Variants in PRLR observed in about 807,000 individuals in gnomAD.
PRLR encodes prolactin receptor.
PRLR carries 13 observed loss-of-function variants against 40.2 expected under a neutral mutation model. The ratio of observed to expected loss-of-function variants is 0.32; its 90% CI spans 0.21 to 0.51. PRLR has a LOEUF of 0.51. PRLR is among the 20% of genes least tolerant of loss of function. The pLI is 0.97. For missense variants in PRLR, 656 were observed against 747.3 expected, an observed-to-expected ratio of 0.88 and a Z score of 1.42; for synonymous variants, 269 against 278.7, an observed-to-expected ratio of 0.97 and a Z score of 0.35.
intron 1 of PRLR, among the ~76,000 whole-genome samples, chr5:35,119,981 T>C (rs1053460068): frequency 3.9e-5 from 6 of 152,138 alleles, no homozygotes; most frequent in African/African-American, 1.4e-4. Context: ...CTACTATTCA[T>C]TCAGCATTTA....
At position 35,061,411 on chromosome 5, in the gene PRLR, T is replaced by C. The variant is rs1054363188; in HGVS notation, c.*3678A>G. On this transcript the variant is annotated 3_prime_UTR_variant, in exon 10 of 10. Transcript: ENST00000618457. ...GGACCTCTGGTTGCTCAATAACTCA[T>C]AGGCTTTTCACATTCAGCTGGGTCA... is the stretch of plus-strand genomic sequence containing the variant. 2 of 152,172 alleles carry C rather than the reference T, an allele frequency of 1.3e-5. No homozygotes were observed. Among genetic ancestry groups the C allele is most frequent in the African/African-American group, 2.4e-5 (1 of 41,440 alleles). The allele number at this position is 152,172 out of a possible 1,614,324, so 9.4% of individuals were successfully genotyped here.
Position 35,065,303 on chromosome 5 carries a change from AC to A in PRLR, c.1654del (p.Val552SerfsTer81), listed in dbSNP as rs759723142. ...NNKEYAKVSG[V>X]MDNNILVLVP... Reference sequence around the variant, plus strand: ...CAACACCAGGATGTTGTTATCCATGACCCCGGACACCTTGGCATACTCCTTA... The same window carrying A: ...CAACACCAGGATGTTGTTATCCATGACCCGGACACCTTGGCATACTCCTTA... On this transcript the variant is annotated frameshift_variant, in exon 10 of 10. Coordinates refer to ENST00000618457, the MANE Select transcript of PRLR (RefSeq NM_000949.7). LOFTEE classifies it low-confidence loss of function (END_TRUNC). 1.4e-5 allele frequency: 22 copies of A among 1,613,762 alleles called. No individual in the cohort carries two copies. Among genetic ancestry groups the A allele is most frequent in the Non-Finnish European group, 1.7e-5 (20 of 1,179,974 alleles).
chr5:35,064,050 C>G lies in PRLR; in HGVS notation c.*1039G>C, dbSNP rs1316779364. The G allele has an allele frequency of 6.6e-6, 1 of 152,174 alleles. No individual in the cohort carries two copies. The highest frequency in any genetic ancestry group is 2.4e-5 in the African/African-American group (1 of 41,430). The allele number at this position is 152,174 out of a possible 1,614,324, so 9.4% of individuals were successfully genotyped here. On this transcript the variant is annotated 3_prime_UTR_variant, in exon 10 of 10. Coordinates refer to ENST00000618457, the MANE Select transcript of PRLR (RefSeq NM_000949.7). The stretch of plus-strand genomic sequence containing the variant: ...ACTCCACAAACGGGAACTTTATATA[C>G]TACTATGTACTGTAAATACACATTA...
intron 1 of PRLR, among the ~76,000 whole-genome samples, chr5:35,197,626 C>G (rs1008618777): frequency 3.3e-5 from 5 of 152,206 alleles, no homozygotes; most frequent in African/African-American, 1.2e-4. Flanking sequence ...ATTGATGGAC[C>G]TACAGGCCTA....
At chr5:35,134,307 G>T (rs1218260697) in intron 1 of PRLR, among the ~76,000 whole-genome samples, 1 of 152,080 alleles carries the variant, frequency 6.6e-6, no homozygotes, top group Non-Finnish European at 1.5e-5. Context: ...TTGCTTGAGT[G>T]GCTTGATGGC....
chr5:35,145,622 T>C (rs1359279339), intron 1 of PRLR, among the ~76,000 whole-genome samples: 1 of 152,214 alleles, frequency 6.6e-6, no homozygotes, highest in Non-Finnish European at 1.5e-5. Flanking sequence ...TTATTGCAAC[T>C]TAAAAAATGT....
chr5:35,101,191 C>T (rs77390487), intron 2 of PRLR, among the ~76,000 whole-genome samples: 1,877 of 152,304 alleles, frequency 0.012, 44 homozygotes, highest in African/African-American at 0.043. Context: ...ACACTGTCAC[C>T]TGTAAACATG....
intron 5 of PRLR, among the ~76,000 whole-genome samples, chr5:35,079,883 A>T (rs6861155): frequency 0.096 from 14,579 of 152,092 alleles, 1,087 homozygotes; most frequent in African/African-American, 0.2. Flanking sequence ...AAATAATACC[A>T]CACATCTATA....
intron 1 of PRLR, among the ~76,000 whole-genome samples, chr5:35,162,328 A>G: frequency 6.6e-6 from 1 of 152,224 alleles, no homozygotes; most frequent in East Asian, 1.9e-4. Context: ...GGCTCCCAAA[A>G]CAAACCACAA....
chr5:35,136,287 T>C (rs1432277439), intron 1 of PRLR, among the ~76,000 whole-genome samples: 1 of 152,114 alleles, frequency 6.6e-6, no homozygotes, highest in Non-Finnish European at 1.5e-5. Flanking sequence ...AAAGCCTTAG[T>C]TGGTGAAGGA....
In PRLR at chr5:35,060,643, T is replaced by C; in HGVS notation, c.*4446A>G. On this transcript the variant is annotated 3_prime_UTR_variant, in exon 10 of 10. Coordinates refer to ENST00000618457, the MANE Select transcript of PRLR (RefSeq NM_000949.7). ...TGGTGATGTGATTTAGTCTTGGACA[T>C]TGAGTGCTCAGTCACTGTCTCAGTG... The C allele has an allele frequency of 6.6e-6, 1 of 152,186 alleles. No homozygotes were observed. The highest frequency in any genetic ancestry group is 1.9e-4 in the East Asian group (1 of 5,206). 9.4% of individuals were successfully genotyped at this position (152,186 alleles called of 1,614,324 possible). A position where few individuals can be genotyped will look rare whatever the true frequency, so the allele number is the denominator to read the frequency against.
At chr5:35,164,506 G>A (rs1774765684) in intron 1 of PRLR, among the ~76,000 whole-genome samples, 1 of 152,122 alleles carries the variant, frequency 6.6e-6, no homozygotes, top group African/African-American at 2.4e-5. Flanking sequence ...CTCAAATCGA[G>A]AAAGCACTTC....
At position 35,057,640 on chromosome 5, in the gene PRLR, TA is replaced by T. The variant is rs1028887881; in HGVS notation, c.*7448del. 17 of 152,132 alleles carry T rather than the reference TA, an allele frequency of 1.1e-4. No individual in the cohort carries two copies. The highest frequency in any genetic ancestry group is 4.1e-4 in the African/African-American group (17 of 41,538). The allele number at this position is 152,132 out of a possible 1,614,324, so 9.4% of individuals were successfully genotyped here. On this transcript the variant is annotated 3_prime_UTR_variant, in exon 10 of 10. Coordinates refer to ENST00000618457, the MANE Select transcript of PRLR (RefSeq NM_000949.7). ...GTTGTCCCCTCAAAATAGGAGGAGA[TA>T]AATGAATAAAACCATGGAAAACAGA...
chr5:35,222,106 C>G (rs1453017676), intron 1 of PRLR, among the ~76,000 whole-genome samples: 5 of 152,140 alleles, frequency 3.3e-5, no homozygotes, highest in Non-Finnish European at 7.3e-5. Flanking sequence ...AGATCGAGAC[C>G]ATCCTGGCCA....
intron 1 of PRLR, among the ~76,000 whole-genome samples, chr5:35,146,694 T>C (rs1229351353): frequency 1.3e-5 from 2 of 152,204 alleles, no homozygotes; most frequent in African/African-American, 4.8e-5. Flanking sequence ...TTTCAGAATG[T>C]CTAGACTTAG....
chr5:35,198,759 C>T (rs1775802858), intron 1 of PRLR, among the ~76,000 whole-genome samples: 1 of 152,154 alleles, frequency 6.6e-6, no homozygotes, highest in Non-Finnish European at 1.5e-5. Context: ...CTAGAAAGCA[C>T]TTAGTGTCTG....
chr5:35,150,461 C>A (rs1234068788), intron 1 of PRLR, among the ~76,000 whole-genome samples: 4 of 152,176 alleles, frequency 2.6e-5, no homozygotes, highest in Admixed American at 2.0e-4. Context: ...TCTAAATTTC[C>A]TTTAAAACAA....
chr5:35,191,453 A>G lies in PRLR; in HGVS notation c.-106+38815T>C, dbSNP rs565162600. Among the ~76,000 whole-genome samples the G allele has an allele frequency of 1.3e-5, 2 of 152,180 alleles. 1 individual carries two copies. Among genetic ancestry groups the G allele is most frequent in the South Asian group, 4.1e-4 (2 of 4,826 alleles). On this transcript the variant is annotated intron_variant, in intron 1 of 9. Coordinates refer to ENST00000618457, the MANE Select transcript of PRLR (RefSeq NM_000949.7). ...GTCTGAGGTGGCCAGGTGTGCAGGG[A>G]GAAAGGGACTTCTGAGGAACATCAT...
intron 1 of PRLR, among the ~76,000 whole-genome samples, chr5:35,203,355 T>C (rs1372333670): frequency 6.6e-6 from 1 of 152,202 alleles, no homozygotes; most frequent in Non-Finnish European, 1.5e-5. Context: ...CTACAGCAGA[T>C]GTCTTGCTCA....
Sources: allele counts gnomAD v4.1 joint callset (sites outside exome capture counted in the v4.1 genomes callset), GRCh38; gene constraint gnomAD v4.1.1; transcripts MANE v1.5; gene names NCBI Gene and HGNC (gene_info 2026-07-23, HGNC 2026-07-21).